Variants in TG observed in about 807,000 individuals in gnomAD.
TG encodes the protein thyroid hormones.
Under a neutral mutation model 324.7 loss-of-function variants are expected in TG, and 270 were observed. The ratio of observed to expected loss-of-function variants is 0.83; its 90% confidence interval spans 0.75 to 0.92. The LOEUF is 0.92. Ranked by LOEUF, TG falls within the 40% of genes least tolerant of loss-of-function variation. The pLI is 0.00. For synonymous variants in TG, 1,401 were observed against 1,327.0 expected (o/e 1.06, Z -1.21); for missense variants, 3,591 against 3,456.4 (o/e 1.04, Z -0.98).
At position 132,906,930 on chromosome 8, in the gene TG, C is replaced by T. The variant is rs201394191; in HGVS notation, c.3847+30C>T. The T allele has an allele frequency of 2.3e-4, 360 of 1,585,040 alleles. 2 individuals are homozygous for T. The African/African-American group carries it at 4.6e-3, about 20-fold the overall frequency. ...GTGGCATCAGAGCATCTATCCTGCACCCCGCTCCCTCTCAGGGCTAGGGCT... is the reference window on the plus strand; with the variant it reads ...GTGGCATCAGAGCATCTATCCTGCATCCCGCTCCCTCTCAGGGCTAGGGCT... On this transcript the variant is annotated intron_variant, in intron 17 of 47. Transcript: ENST00000220616.
chr8:132,897,499 C>A, intron 11 of TG, 150 bp from the exon 12 acceptor site: 1 of 1,110,202 alleles, frequency 9.0e-7, no homozygotes, highest in South Asian at 1.3e-5. Context: ...TGCAAGGAGC[C>A]TTTGTAATAC....
At chr8:132,901,996 A>T (rs116345460) in intron 16 of TG, among the ~76,000 whole-genome samples, 1,748 of 152,344 alleles carry the variant, frequency 0.011, 30 homozygotes, top group African/African-American at 0.039. Flanking sequence ...TGAAATGTAC[A>T]TCACATCAAT....
intron 15 of TG, among the ~76,000 whole-genome samples, chr8:132,900,945 A>C (rs925262151): frequency 1.1e-4 from 16 of 152,196 alleles, no homozygotes; most frequent in African/African-American, 3.9e-4. Context: ...TGCCACCTGC[A>C]ATATGTCCGT....
At chr8:133,120,227 C>T (rs1285380126) in intron 45 of TG, among the ~76,000 whole-genome samples, 2 of 152,180 alleles carry the variant, frequency 1.3e-5, no homozygotes, top group Non-Finnish European at 2.9e-5. Flanking sequence ...AAAAGCCTTA[C>T]AAATATGCAC....
chr8:133,014,084 T>G (rs943614115), intron 37 of TG, among the ~76,000 whole-genome samples: 7 of 152,240 alleles, frequency 4.6e-5, no homozygotes, highest in African/African-American at 1.7e-4. Flanking sequence ...GGTCCTCACA[T>G]TAATCCTGTG....
chr8:132,997,080 A>C (rs1832953009), intron 35 of TG, among the ~76,000 whole-genome samples: 1 of 152,212 alleles, frequency 6.6e-6, no homozygotes, highest in African/African-American at 2.4e-5. Flanking sequence ...GTAATGGTAG[A>C]ATCTGAAATT....
At chr8:132,966,772 C>T (rs1828623486) in intron 30 of TG, 75 bp downstream of exon 30, 2 of 1,605,050 alleles carry the variant, frequency 1.2e-6, no homozygotes, top group African/African-American at 2.7e-5. Flanking sequence ...CTGGCAACTC[C>T]TGAGACACAG....
intron 35 of TG, 157 bp downstream of exon 35, chr8:132,983,569 G>A (rs1831170569): frequency 5.3e-6 from 4 of 754,812 alleles, no homozygotes; most frequent in Admixed American, 2.1e-5. Flanking sequence ...AGTGGGGTGA[G>A]TACCAGCAAC....
At chr8:133,016,787 T>C (rs1158298600) in intron 37 of TG, among the ~76,000 whole-genome samples, 1 of 152,154 alleles carries the variant, frequency 6.6e-6, no homozygotes, top group Non-Finnish European at 1.5e-5. Context: ...AAACAGTACT[T>C]GGCACTGAGC....
At chr8:132,868,280 TG>T (rs1420171152) in intron 2 of TG, 57 bp downstream of exon 2, 74 of 1,500,518 alleles carry the variant, frequency 4.9e-5, no homozygotes, top group Non-Finnish European at 6.7e-5. Context: ...AAAAGCATCT[TG>T]TGCCTTCCCC....
chr8:132,966,797 T>G, intron 30 of TG, 100 bp downstream of exon 30: 2 of 1,456,786 alleles, frequency 1.4e-6, no homozygotes, highest in Non-Finnish European at 1.9e-6. Context: ...GGCCAAATTT[T>G]GTGTCATAAC....
At chr8:132,948,417 A>T (rs1259339309) in intron 26 of TG, among the ~76,000 whole-genome samples, 1 of 152,136 alleles carries the variant, frequency 6.6e-6, no homozygotes, top group East Asian at 1.9e-4. Flanking sequence ...CAGCTCAGGA[A>T]AATCACCCCG....
intron 35 of TG, among the ~76,000 whole-genome samples, chr8:133,010,002 CAGGTTTAAGATA>C (rs1272907820): frequency 6.6e-6 from 1 of 152,092 alleles, no homozygotes. Flanking sequence ...TTGTCAAAGA[CAGGTTTAAGATA>C]AAAATTATAA....
chr8:132,963,295 A>G (rs1828037684), intron 29 of TG, among the ~76,000 whole-genome samples: 1 of 152,250 alleles, frequency 6.6e-6, no homozygotes, highest in South Asian at 2.1e-4. Flanking sequence ...CTGCAAATTC[A>G]TAAGTGTTAC....
At chr8:133,076,621 A>G (rs926862723) in intron 41 of TG, 1 of 152,210 alleles carries the variant, frequency 6.6e-6, no homozygotes, top group Non-Finnish European at 1.5e-5. Context: ...AGTCAGAGGT[A>G]TGAGTTTTGT....
rs772251475 is a variant in TG, at chr8:132,886,718, C to T, written c.1346C>T (p.Pro449Leu). The T allele has an allele frequency of 1.2e-6, 2 of 1,614,062 alleles. No homozygotes were observed. The highest frequency in any genetic ancestry group is 2.7e-5 in the African/African-American group (2 of 74,926). ...LLKEAIRAIFPSRGLARLALQ... is the reference protein window; with the variant it reads ...LLKEAIRAIFLSRGLARLALQ... ...AAAGAAGCCATCCGAGCAATTTTTC[C>T]CTCCCGAGGGCTGGCTCGTCTTGCC... The change falls in exon 9 of 48, where the codon CCC (proline) becomes CTC (leucine). Residue 449 changes from proline (P) to leucine (L), a missense_variant. Pro to Leu is a moderately conservative substitution (Grantham distance 98, BLOSUM62 -3). Coordinates refer to ENST00000220616, the MANE Select transcript of TG (RefSeq NM_003235.5).
At chr8:133,055,555 A>G (rs997426775) in intron 41 of TG, among the ~76,000 whole-genome samples, 2 of 152,204 alleles carry the variant, frequency 1.3e-5, no homozygotes, top group South Asian at 4.2e-4. Flanking sequence ...GGTAGCCCAC[A>G]AAGCTCTTTT....
At chr8:133,064,961 AG>A (rs1842852176) in intron 41 of TG, among the ~76,000 whole-genome samples, 1 of 152,236 alleles carries the variant, frequency 6.6e-6, no homozygotes, top group Non-Finnish European at 1.5e-5. Context: ...TCATAAAGCC[AG>A]GAACTGAACC....
At position 132,906,780 on chromosome 8, in the gene TG, C is replaced by T. The variant is rs142243819; in HGVS notation, c.3727C>T (p.Gln1243Ter). 7 of 1,614,114 alleles carry T rather than the reference C, an allele frequency of 4.3e-6. No homozygotes were observed. In the African/African-American group the frequency reaches 9.3e-5, roughly 22 times the overall value. Residue 1243 changes from glutamine to a stop codon, truncating the protein, a stop_gained, in exon 17 of 48, where the codon CAG (glutamine) becomes TAG (stop). Coordinates refer to ENST00000220616, the MANE Select transcript of TG (RefSeq NM_003235.5). LOFTEE classifies it high-confidence loss of function. ...CTCGGGCCCCACAGGCTCTGCCATG[C>T]AGCAGTGCCAATTGCTGTGCCGCCA... is the stretch of plus-strand genomic sequence containing the variant. Reference protein sequence around the residue: ...TISGPTGSAMQQCQLLCRQGS... With the variant: ...TISGPTGSAM
Sources: allele counts gnomAD v4.1 joint callset (sites outside exome capture counted in the v4.1 genomes callset), GRCh38; gene constraint gnomAD v4.1.1; transcripts MANE v1.5; gene names NCBI Gene and HGNC (gene_info 2026-07-23, HGNC 2026-07-21).